BMAL2: variants seen among roughly 807,000 people sequenced by gnomAD.
BMAL2 encodes basic helix-loop-helix ARNT-like protein 2.
At chr12:27,403,549 T>A in the BMAL2 span, 1 of 1,494,408 alleles carries the variant, frequency 6.7e-7, no homozygotes, top group Non-Finnish European at 9.2e-7. Flanking sequence ...GAGGTAATGT[T>A]TTATTGCTGC....
At chr12:27,338,948 C>T in the BMAL2 span, among the ~76,000 whole-genome samples, 3 of 152,132 alleles carry the variant, frequency 2.0e-5, no homozygotes, top group Non-Finnish European at 4.4e-5. Flanking sequence ...AAGGGAACTA[C>T]TACTATCTTT....
chr12:27,382,791 A>T, the BMAL2 span, among the ~76,000 whole-genome samples: 2 of 152,174 alleles, frequency 1.3e-5, no homozygotes, highest in African/African-American at 4.8e-5. Flanking sequence ...AAGGATGGTG[A>T]TGTGATTTTT....
the BMAL2 span, chr12:27,400,612 A>C: frequency 6.2e-7 from 1 of 1,614,004 alleles, no homozygotes; most frequent in African/African-American, 1.3e-5. Flanking sequence ...ATGGAAGAAG[A>C]AAGGAACAGT....
chr12:27,379,371 T>G, the BMAL2 span, among the ~76,000 whole-genome samples: 16 of 152,314 alleles, frequency 1.1e-4, no homozygotes, highest in Admixed American at 5.9e-4. Flanking sequence ...AAATAGCTTA[T>G]GAGTAGCTGT....
the BMAL2 span, among the ~76,000 whole-genome samples, chr12:27,358,169 T>C: frequency 6.6e-6 from 1 of 151,936 alleles, no homozygotes; most frequent in Admixed American, 6.6e-5. Context: ...AGGACTAATA[T>C]CCAGAATCTA....
the BMAL2 span, chr12:27,422,974 A>C: frequency 6.6e-6 from 1 of 152,228 alleles, no homozygotes; most frequent in Non-Finnish European, 1.5e-5. Context: ...GGGGCTGTTC[A>C]ATTCCATAGA....
chr12:27,357,679 G>A, the BMAL2 span, among the ~76,000 whole-genome samples: 3 of 152,198 alleles, frequency 2.0e-5, no homozygotes, highest in East Asian at 3.9e-4. Flanking sequence ...CACACAAACC[G>A]AAGGAACAGA....
At chr12:27,418,293 A>G in the BMAL2 span, 3 of 811,038 alleles carry the variant, frequency 3.7e-6, no homozygotes, top group Admixed American at 2.5e-5. Context: ...AGAGAAGCAG[A>G]TAGTTTTAAA....
the BMAL2 span, among the ~76,000 whole-genome samples, chr12:27,418,460 C>T: frequency 1.3e-5 from 2 of 151,508 alleles, no homozygotes; most frequent in Non-Finnish European, 2.9e-5. Flanking sequence ...TTTTAATTAG[C>T]TAGGCATGAT....
the BMAL2 span, among the ~76,000 whole-genome samples, chr12:27,337,722 C>G: frequency 0.18 from 26,909 of 152,150 alleles, 2,653 homozygotes; most frequent in Non-Finnish European, 0.23. Flanking sequence ...GCTTTGTAAA[C>G]TTGGTCAAAT....
chr12:27,343,224 A>T, the BMAL2 span, among the ~76,000 whole-genome samples: 2 of 152,360 alleles, frequency 1.3e-5, no homozygotes, highest in South Asian at 2.1e-4. Context: ...TAACATCTAT[A>T]CTGTATTTGT....
chr12:27,397,310 T>C, the BMAL2 span, among the ~76,000 whole-genome samples: 2 of 152,232 alleles, frequency 1.3e-5, no homozygotes, highest in Admixed American at 1.3e-4. Context: ...GACCTTGTGA[T>C]CCGCCAACCT....
chr12:27,342,328 GTC>G, the BMAL2 span, among the ~76,000 whole-genome samples: 45 of 152,326 alleles, frequency 3.0e-4, no homozygotes, highest in African/African-American at 1.0e-3. Flanking sequence ...AAAATACATT[GTC>G]TCTTATTTAG....
At chr12:27,357,383 A>G in the BMAL2 span, among the ~76,000 whole-genome samples, 1 of 152,236 alleles carries the variant, frequency 6.6e-6, no homozygotes, top group Admixed American at 6.5e-5. Context: ...TGACAAATGG[A>G]AACACATCCC....
chr12:27,424,149 T>A, the BMAL2 span: 37 of 152,346 alleles, frequency 2.4e-4, no homozygotes, highest in East Asian at 6.7e-3. Flanking sequence ...TACATGTGGC[T>A]CAGATTATAT....
chr12:27,389,946 C>G, the BMAL2 span: 2 of 790,992 alleles, frequency 2.5e-6, no homozygotes, highest in African/African-American at 3.5e-5. Flanking sequence ...GTATATTTCA[C>G]TTCAGGGTTT....
the BMAL2 span, among the ~76,000 whole-genome samples, chr12:27,341,283 T>A: frequency 2.0e-5 from 3 of 152,222 alleles, no homozygotes; most frequent in South Asian, 6.2e-4. Context: ...TTTTGAGGTA[T>A]GTTCCTTTAA....
the BMAL2 span, chr12:27,416,025 A>T: frequency 2.1e-5 from 22 of 1,023,948 alleles, no homozygotes; most frequent in East Asian, 5.0e-4. Context: ...ATTTCTTTTA[A>T]GAAAAGAAGC....
chr12:27,342,925 CA>C, the BMAL2 span, among the ~76,000 whole-genome samples: 1 of 152,166 alleles, frequency 6.6e-6, no homozygotes, highest in Non-Finnish European at 1.5e-5. Context: ...TTCCTTTCAA[CA>C]ATAATCATAG....
Sources: gnomAD v4.1 joint callset for allele counts (sites outside exome capture counted in the v4.1 genomes callset) on GRCh38, gnomAD v4.1.1 for gene constraint, MANE v1.5 for transcripts, NCBI Gene and HGNC (gene_info 2026-07-23, HGNC 2026-07-21) for gene names.